The following ZNF551 variants were observed in gnomAD, a reference collection of about 807,000 sequenced individuals.
The protein encoded by ZNF551 is zinc finger protein 551.
Under a neutral mutation model 7.9 loss-of-function variants are expected in ZNF551, and 5 were observed. The observed-to-expected ratio is 0.63, with a 90% confidence interval of 0.33 to 1.33. The LOEUF (loss-of-function observed/expected upper bound fraction) is 1.33, where lower values mean the gene tolerates loss of function less well. ZNF551 is among the 40% of genes most tolerant of loss of function. The pLI is 0.05. For synonymous variants in ZNF551, 287 were observed against 277.3 expected (o/e 1.03, Z -0.35); for missense variants, 788 against 825.2 (o/e 0.95, Z 0.55).
chr19:57,686,328 C>A (rs1984551269), intron 2 of ZNF551, among the ~76,000 whole-genome samples, 153 bp from the exon 3 acceptor site: 1 of 152,190 alleles, frequency 6.6e-6, no homozygotes, highest in Non-Finnish European at 1.5e-5. Flanking sequence ...TCTTAAAAAA[C>A]CCAGTACTTC....
At chr19:57,683,685 G>T (rs1426204921) in intron 1 of ZNF551, among the ~76,000 whole-genome samples, 1 of 152,176 alleles carries the variant, frequency 6.6e-6, no homozygotes, top group African/African-American at 2.4e-5. Context: ...CAGGTCTCCT[G>T]TGTGAGCCCC....
chr19:57,685,717 A>C (rs1345252100), intron 2 of ZNF551, among the ~76,000 whole-genome samples: 4 of 152,132 alleles, frequency 2.6e-5, no homozygotes, highest in African/African-American at 7.2e-5. Flanking sequence ...TAAGACTTAC[A>C]TCATTCATGT....
Position 57,688,496 on chromosome 19 carries a change from C to G in ZNF551, c.*208C>G. 1.5e-6 allele frequency: 1 copy of G among 684,498 alleles called. No individual in the cohort carries two copies. Among genetic ancestry groups the G allele is most frequent in the Non-Finnish European group, 2.4e-6 (1 of 422,514 alleles). 42.4% of individuals were successfully genotyped at this position (684,498 alleles called of 1,614,324 possible). On this transcript the variant is annotated 3_prime_UTR_variant, in exon 3 of 3. Transcript: ENST00000282296. ...TTTATGTCACTGCCAATTTCTGAGG[C>G]TGAAGCCATTTCACATTTCACCCCT...
At position 57,687,565 on chromosome 19, in the gene ZNF551, C is replaced by CA. The variant is rs1341373442; in HGVS notation, c.1293dup (p.Ser432IlefsTer17). On this transcript the variant is annotated frameshift_variant, in exon 3 of 3. Transcript: ENST00000282296. LOFTEE classifies it low-confidence loss of function (END_TRUNC). Reference sequence around the variant, plus strand: ...GTGATTGTGGGAAATCTTTTAGCTGCAAATCGGAACTCATTCAACACCAGA... The same window carrying CA: ...GTGATTGTGGGAAATCTTTTAGCTGCAAAATCGGAACTCATTCAACACCAGA... 6.2e-7 allele frequency: 1 copy of CA among 1,614,010 alleles called. No individual in the cohort carries two copies. The highest frequency in any genetic ancestry group is 8.5e-7 in the Non-Finnish European group (1 of 1,180,020).
chr19:57,687,301 A>C lies in ZNF551; in HGVS notation c.1026A>C (p.Lys342Asn). The C allele has an allele frequency of 1.2e-6, 2 of 1,614,226 alleles. No individual in the cohort carries two copies. The highest frequency in any genetic ancestry group is 2.2e-5 in the South Asian group (2 of 91,088). The stretch of plus-strand genomic sequence containing the variant: ...GTCATGAGTGTGGTGAATGTAGGAA[A>C]ACCTTTAGCTACAAATCTAACCTCA... ...GVRHECGECR[K>N]TFSYKSNLIE... Residue 342 changes from lysine to asparagine, a missense_variant, in exon 3 of 3, where the codon AAA becomes AAC. Lys to Asn is a moderately conservative substitution (Grantham distance 94). Coordinates refer to ENST00000282296, the MANE Select transcript of ZNF551 (RefSeq NM_138347.5).
In ZNF551 at chr19:57,688,008, A is replaced by C. The variant is rs1472161962; in HGVS notation, c.1733A>C (p.Gln578Pro). The change falls in exon 3 of 3, where the codon CAG (glutamine) becomes CCG (proline). Residue 578 changes from glutamine to proline, a missense_variant. Transcript: ENST00000282296. ...FSQSASLIQHQRVHTGERPYE... is the reference protein window; with the variant it reads ...FSQSASLIQHPRVHTGERPYE... ...CAAAGTGCTAGCCTCATTCAACACC[A>C]GAGAGTTCACACTGGAGAAAGGCCT... The C allele has an allele frequency of 8.1e-6, 13 of 1,614,058 alleles. No individual in the cohort carries two copies. The highest frequency in any genetic ancestry group is 1.1e-5 in the Non-Finnish European group (13 of 1,180,012).
In ZNF551 at chr19:57,688,323, T is replaced by C. The variant is rs1984656693; in HGVS notation, c.*35T>C. The stretch of plus-strand genomic sequence containing the variant: ...GAATGTGCTATTTCTTTATTCAGTA[T>C]AATAGCACTGGAGGAGACTGTGGTA... On this transcript the variant is annotated 3_prime_UTR_variant, in exon 3 of 3. Transcript: ENST00000282296. 3 of 1,595,746 alleles carry C rather than the reference T, an allele frequency of 1.9e-6. No homozygotes were observed. Among genetic ancestry groups the C allele is most frequent in the African/African-American group, 1.3e-5 (1 of 74,524 alleles).
Position 57,688,092 on chromosome 19 carries a change from A to G in ZNF551, c.1817A>G (p.Gln606Arg). ...FSQSSSLIQH[Q>R]RGHTGERPYE... ...CAGAGCTCTAGCCTCATTCAACACC[A>G]GAGAGGTCACACTGGAGAAAGACCT... The change falls in exon 3 of 3, where the codon CAG (glutamine) becomes CGG (arginine). Residue 606 changes from glutamine (Q) to arginine (R), a missense_variant. Physicochemically the swap from Gln to Arg is conservative, Grantham distance 43. Transcript: ENST00000282296. The G allele has an allele frequency of 1.2e-6, 2 of 1,613,950 alleles. No homozygotes were observed. Among genetic ancestry groups the G allele is most frequent in the Non-Finnish European group, 1.7e-6 (2 of 1,179,960 alleles).
intron 1 of ZNF551, among the ~76,000 whole-genome samples, chr19:57,683,841 A>G (rs560640579): frequency 6.6e-4 from 100 of 152,198 alleles, no homozygotes; most frequent in Admixed American, 3.2e-3. Context: ...GTTAGACAGG[A>G]TGATGCTAGG....
chr19:57,682,655 G>A (rs576360173), intron 1 of ZNF551, among the ~76,000 whole-genome samples: 1 of 152,342 alleles, frequency 6.6e-6, no homozygotes, highest in South Asian at 2.1e-4. Flanking sequence ...AGAGGTAATA[G>A]TAGTTAGGCA....
chr19:57,686,981 C>G lies in ZNF551; in HGVS notation c.706C>G (p.His236Asp). The change falls in exon 3 of 3, where the codon CAC (histidine) becomes GAC (aspartate). Residue 236 changes from histidine (H) to aspartate (D), a missense_variant. Transcript: ENST00000282296. ...GEYRKASSHK[H>D]TLVQHQSVCS... ...ATACAGAAAAGCTTCAAGCCACAAA[C>G]ACACACTTGTTCAGCATCAGAGTGT... 2 of 1,614,208 alleles carry G rather than the reference C, an allele frequency of 1.2e-6. No homozygotes were observed. Among genetic ancestry groups the G allele is most frequent in the Non-Finnish European group, 1.7e-6 (2 of 1,180,034 alleles).
Position 57,686,600 on chromosome 19 carries a change from T to C in ZNF551, c.325T>C (p.Cys109Arg). Residue 109 changes from cysteine (C) to arginine (R), a missense_variant, in exon 3 of 3, where the codon TGT (cysteine) becomes CGT (arginine). Cys to Arg is a radical substitution (Grantham distance 180, BLOSUM62 -3). Coordinates refer to ENST00000282296, the MANE Select transcript of ZNF551 (RefSeq NM_138347.5). The part of the protein sequence containing the change: ...QKTHLSEIKM[C>R]VPVLKDILPA... ...AACTCACCTCAGTGAGATTAAGATGTGTGTCCCAGTCTTGAAAGACATTTT... is the reference window on the plus strand; with the variant it reads ...AACTCACCTCAGTGAGATTAAGATGCGTGTCCCAGTCTTGAAAGACATTTT... 1 of 1,614,196 alleles carries C rather than the reference T, an allele frequency of 6.2e-7. No homozygotes were observed. Among genetic ancestry groups the C allele is most frequent in the Non-Finnish European group, 8.5e-7 (1 of 1,180,026 alleles).
chr19:57,685,443 C>G (rs1568455331), intron 2 of ZNF551, 58 bp downstream of exon 2: 2 of 1,612,726 alleles, frequency 1.2e-6, no homozygotes, highest in African/African-American at 2.7e-5. Flanking sequence ...AGAGTTACCT[C>G]TGTCTCAGGA....
chr19:57,685,020 G>A (rs1035412870), intron 1 of ZNF551, among the ~76,000 whole-genome samples: 7 of 152,228 alleles, frequency 4.6e-5, no homozygotes, highest in East Asian at 1.9e-4. Context: ...TGTGAGTAAC[G>A]AGAGGTATAG....
At chr19:57,682,809 G>A (rs527349163) in intron 1 of ZNF551, among the ~76,000 whole-genome samples, 4 of 152,284 alleles carry the variant, frequency 2.6e-5, no homozygotes, top group South Asian at 2.1e-4. Flanking sequence ...CTCGCCACTC[G>A]TCTAGCCTTG....
At chr19:57,685,204 G>A in intron 1 of ZNF551, 58 bp from the exon 2 acceptor site, 2 of 1,595,882 alleles carry the variant, frequency 1.3e-6, no homozygotes, top group Non-Finnish European at 8.5e-7. Flanking sequence ...GATGTTGGGG[G>A]CAAGAGGATA....
chr19:57,686,014 G>A (rs1346523234), intron 2 of ZNF551, among the ~76,000 whole-genome samples: 2 of 152,130 alleles, frequency 1.3e-5, no homozygotes, highest in East Asian at 1.9e-4. Context: ...CTCCACCCTC[G>A]TGGTCTCAGT....
chr19:57,684,121 G>A (rs1483908066), intron 1 of ZNF551, among the ~76,000 whole-genome samples: 1 of 152,162 alleles, frequency 6.6e-6, no homozygotes, highest in East Asian at 1.9e-4. Context: ...GGTGATTCTT[G>A]ATGGGTGAGG....
In ZNF551 at chr19:57,686,897, A is replaced by G; in HGVS notation, c.622A>G (p.Ser208Gly). 6.2e-7 allele frequency: 1 copy of G among 1,614,220 alleles called. No individual in the cohort carries two copies. The highest frequency in any genetic ancestry group is 1.1e-5 in the South Asian group (1 of 91,088). The part of the protein sequence containing the change: ...ATPSGEEPHS[S>G]SSKHIQAFFN... ...TCCCAGTGGTGAGGAGCCACACAGT[A>G]GCAGCAGCAAGCATATACAGGCATT... Residue 208 changes from serine to glycine, a missense_variant, in exon 3 of 3, where the codon AGC (serine) becomes GGC (glycine). Physicochemically the swap from Ser to Gly is moderately conservative, Grantham distance 56. Coordinates refer to ENST00000282296, the MANE Select transcript of ZNF551 (RefSeq NM_138347.5).
Sources: allele counts gnomAD v4.1 joint callset (sites outside exome capture counted in the v4.1 genomes callset), GRCh38; gene constraint gnomAD v4.1.1; transcripts MANE v1.5; gene names NCBI Gene and HGNC (gene_info 2026-07-23, HGNC 2026-07-21).